The following ATP8A1 variants were observed in gnomAD, a reference collection of about 807,000 sequenced individuals.
The protein encoded by ATP8A1 is ATPase phospholipid transporting 8A1, also known as phospholipid-transporting ATPase IA.
In ATP8A1, 90 loss-of-function variants were observed where a neutral mutation model predicts 177.7. The ratio of observed to expected loss-of-function variants is 0.51; its 90% CI spans 0.43 to 0.60. The LOEUF (loss-of-function observed/expected upper bound fraction) is 0.60, where lower values mean the gene tolerates loss of function less well. Ranked by LOEUF, ATP8A1 falls within the 20% of genes least tolerant of loss-of-function variation. ATP8A1 has a pLI of 0.00. For synonymous variants in ATP8A1, 493 were observed against 485.9 expected (o/e 1.01, Z -0.19); for missense variants, 1,072 against 1,392.8 (o/e 0.77, Z 3.67).
Position 42,544,043 on chromosome 4 carries a change from G to T in ATP8A1, c.1653-57C>A, listed in dbSNP as rs536377106. 9.7e-6 allele frequency: 13 copies of T among 1,335,708 alleles called. No individual in the cohort carries two copies. The African/African-American group carries it at 1.6e-4, about 16-fold the overall frequency. The allele number at this position is 1,335,708 out of a possible 1,614,324, so 82.7% of individuals were successfully genotyped here. ...TCATACCAAGGATATGCATGTATGTGTTTGTCATGCCTCACATATTTTGAT... is the reference window on the plus strand; with the variant it reads ...TCATACCAAGGATATGCATGTATGTTTTTGTCATGCCTCACATATTTTGAT... On this transcript the variant is annotated intron_variant, in intron 19 of 36. Transcript: ENST00000381668.
At chr4:42,586,505 G>C in intron 8 of ATP8A1, 29 bp from the exon 9 acceptor site, 4 of 1,606,984 alleles carry the variant, frequency 2.5e-6, no homozygotes, top group Non-Finnish European at 3.4e-6. Context: ...TAAGCAAAAA[G>C]TATATTAAAT....
chr4:42,531,174 G>T (rs1578115475), intron 20 of ATP8A1, among the ~76,000 whole-genome samples: 1 of 152,022 alleles, frequency 6.6e-6, no homozygotes, highest in Non-Finnish European at 1.5e-5. Context: ...AATCCATTAG[G>T]GCGACTCTTA....
intron 14 of ATP8A1, among the ~76,000 whole-genome samples, chr4:42,571,137 T>C (rs1292164155): frequency 6.6e-6 from 1 of 152,166 alleles, no homozygotes; most frequent in Non-Finnish European, 1.5e-5. Context: ...TAAACATGGC[T>C]GTAGCAAGAT....
rs139979265 is a variant in ATP8A1, at chr4:42,426,520, C to T, written c.3124-2815G>A. Among the ~76,000 whole-genome samples, 954 of 152,318 alleles carry T rather than the reference C, an allele frequency of 6.3e-3. 13 individuals carry two copies. The highest frequency in any genetic ancestry group is 7.8e-3 in the Admixed American group (119 of 15,310). On this transcript the variant is annotated intron_variant, in intron 33 of 36. Coordinates refer to ENST00000381668, the MANE Select transcript of ATP8A1 (RefSeq NM_006095.2). ...GCACGGCCCTTCCCAGCTAATCAGA[C>T]ACTCGGGAAGAAACTTCTCAGTCTC...
chr4:42,544,574 C>T (rs1456008939), intron 19 of ATP8A1, among the ~76,000 whole-genome samples: 1 of 152,120 alleles, frequency 6.6e-6, no homozygotes, highest in Admixed American at 6.5e-5. Context: ...CTGTTGATGA[C>T]ATAGTTTAAT....
chr4:42,530,883 C>T (rs945974521), intron 20 of ATP8A1, among the ~76,000 whole-genome samples: 1 of 152,176 alleles, frequency 6.6e-6, no homozygotes, highest in Admixed American at 6.5e-5. Flanking sequence ...CCTAGTGATC[C>T]ACTAGCAACA....
At chr4:42,505,961 C>CA (rs926260382) in intron 23 of ATP8A1, among the ~76,000 whole-genome samples, 3 of 152,058 alleles carry the variant, frequency 2.0e-5, no homozygotes, top group Non-Finnish European at 2.9e-5. Context: ...GCTGGTACTA[C>CA]AGGCTTCCAA....
chr4:42,514,152 G>T (rs1275596968), intron 22 of ATP8A1, among the ~76,000 whole-genome samples: 1 of 152,148 alleles, frequency 6.6e-6, no homozygotes. Context: ...TTTTTCTAAG[G>T]CCAAGAAATA....
At chr4:42,558,644 C>A (rs1435074286) in intron 15 of ATP8A1, among the ~76,000 whole-genome samples, 1 of 151,958 alleles carries the variant, frequency 6.6e-6, no homozygotes, top group African/African-American at 2.4e-5. Flanking sequence ...ATTCAAAATT[C>A]ATGTCAACAG....
chr4:42,530,140 C>T (rs764720040), intron 20 of ATP8A1, among the ~76,000 whole-genome samples: 16 of 152,172 alleles, frequency 1.1e-4, no homozygotes, highest in Admixed American at 5.2e-4. Flanking sequence ...CTGTCATTAC[C>T]CAATGGGCCC....
chr4:42,581,141 AT>A (rs35041975), intron 10 of ATP8A1, among the ~76,000 whole-genome samples: 9 of 148,656 alleles, frequency 6.1e-5, no homozygotes, highest in South Asian at 2.1e-4. Context: ...TTCTTTTTTT[AT>A]TTTTTTTTTG....
chr4:42,509,840 A>G (rs1457860431), intron 22 of ATP8A1, among the ~76,000 whole-genome samples: 1 of 132,126 alleles, frequency 7.6e-6, no homozygotes, highest in Non-Finnish European at 1.6e-5. Flanking sequence ...CAACAGAGCG[A>G]GACAGTCTCA....
At chr4:42,445,495 A>G (rs1349175150) in intron 31 of ATP8A1, among the ~76,000 whole-genome samples, 1 of 152,154 alleles carries the variant, frequency 6.6e-6, no homozygotes, top group African/African-American at 2.4e-5. Flanking sequence ...ACAATCTTAA[A>G]TATTGTTAGT....
chr4:42,495,662 A>C (rs1479177180), intron 24 of ATP8A1, among the ~76,000 whole-genome samples: 1 of 151,980 alleles, frequency 6.6e-6, no homozygotes, highest in Non-Finnish European at 1.5e-5. Flanking sequence ...TGGTGTTTCC[A>C]AACTCGTAGC....
At position 42,520,414 on chromosome 4, in the gene ATP8A1, T is replaced by A. The variant is rs181736392; in HGVS notation, c.1947+1746A>T. Among the ~76,000 whole-genome samples, 691 of 152,192 alleles carry A rather than the reference T, an allele frequency of 4.5e-3. 3 individuals carry two copies. Among genetic ancestry groups the A allele is most frequent in the African/African-American group, 0.016 (669 of 41,516 alleles). On this transcript the variant is annotated intron_variant, in intron 22 of 36. Transcript: ENST00000381668. Reference sequence around the variant, plus strand: ...AGCAAAGATTAAAAATCAATAGCACTAATGCTTTAAGATATGTGACTTTAG... The same window carrying A: ...AGCAAAGATTAAAAATCAATAGCACAAATGCTTTAAGATATGTGACTTTAG...
chr4:42,520,249 A>AT (rs1042162102), intron 22 of ATP8A1, among the ~76,000 whole-genome samples: 3 of 152,110 alleles, frequency 2.0e-5, no homozygotes, highest in South Asian at 2.1e-4. Context: ...TTTCAAATAG[A>AT]TTTTTTTATT....
intron 30 of ATP8A1, among the ~76,000 whole-genome samples, chr4:42,449,994 T>C (rs1268811429): frequency 6.6e-6 from 1 of 152,236 alleles, no homozygotes; most frequent in Non-Finnish European, 1.5e-5. Context: ...CTTTCAAACC[T>C]ATATCAATTT....
chr4:42,473,335 T>G (rs10000708), intron 25 of ATP8A1, among the ~76,000 whole-genome samples: 85,785 of 151,948 alleles, frequency 0.56, 24,987 homozygotes, highest in South Asian at 0.71. Context: ...TATATGATAG[T>G]AGTCCCTCTC....
At chr4:42,641,848 C>T (rs994244989) in intron 1 of ATP8A1, among the ~76,000 whole-genome samples, 4 of 152,180 alleles carry the variant, frequency 2.6e-5, no homozygotes, top group Middle Eastern at 3.2e-3. Context: ...GACTAGTCCT[C>T]GTTTTATTAC....
Sources: gnomAD v4.1 joint callset for allele counts (sites outside exome capture counted in the v4.1 genomes callset) on GRCh38, gnomAD v4.1.1 for gene constraint, MANE v1.5 for transcripts, NCBI Gene and HGNC (gene_info 2026-07-23, HGNC 2026-07-21) for gene names.